The following LTBP1 variants were observed in gnomAD, a reference collection of about 807,000 sequenced individuals.
LTBP1 encodes the protein latent-transforming growth factor beta-binding protein 1.
Under a neutral mutation model 207.6 loss-of-function variants are expected in LTBP1, and 129 were observed. The ratio of observed to expected loss-of-function variants is 0.62; its 90% CI spans 0.54 to 0.72. The LOEUF (loss-of-function observed/expected upper bound fraction) is 0.72. Ranked by LOEUF, LTBP1 falls within the 30% of genes least tolerant of loss-of-function variation. The probability of loss-of-function intolerance (pLI) is 0.00; values close to 1 mark genes in which losing one functional copy is unlikely to be tolerated. For missense variants in LTBP1, 2,281 were observed against 2,217.2 expected, an observed-to-expected ratio of 1.03 and a Z score of -0.58; for synonymous variants, 963 against 833.7, an observed-to-expected ratio of 1.16 and a Z score of -2.67.
Position 32,947,805 on chromosome 2 carries a change from C to A in LTBP1, c.481C>A (p.Gln161Lys). 1 of 1,454,992 alleles carries A rather than the reference C, an allele frequency of 6.9e-7. No individual in the cohort carries two copies. The highest frequency in any genetic ancestry group is 9.1e-7 in the Non-Finnish European group (1 of 1,097,684). The allele number at this position is 1,454,992 out of a possible 1,614,324, so 90.1% of individuals were successfully genotyped here. A position where few individuals can be genotyped will look rare whatever the true frequency, so the allele number is the denominator to read the frequency against. ...GGSRLQVHQK[Q>K]QLQGVNVCGG... is the part of the protein sequence containing the mutation. ...CTCTAGGCTGCAGGTTCACCAGAAG[C>A]AGCAGCTGCAGGGGTAAGCCCACAC... Residue 161 changes from glutamine to lysine, a missense_variant, in exon 1 of 34, where the codon CAG (glutamine) becomes AAG (lysine). Gln to Lys is a moderately conservative substitution (Grantham distance 53). Around this residue, in one of 3 missense-constraint regions of LTBP1, gnomAD observed 555 missense variants for 491.0 expected, o/e 1.13. Transcript: ENST00000404816.
intron 3 of LTBP1, among the ~76,000 whole-genome samples, chr2:33,090,054 G>A (rs577628506): frequency 5.3e-5 from 8 of 152,226 alleles, no homozygotes; most frequent in African/African-American, 7.2e-5. Flanking sequence ...CATTTAACCC[G>A]CATTTTAGAC....
At chr2:33,184,781 G>GTTTTTTTTTTTTT (rs34063170) in intron 5 of LTBP1, among the ~76,000 whole-genome samples, 8 of 136,384 alleles carry the variant, frequency 5.9e-5, no homozygotes, top group South Asian at 4.8e-4. Context: ...AGTATTTTCT[G>GTTTTTTTTTTTTT]TTTTTTTTTT....
At chr2:33,205,302 A>T (rs2089757944) in intron 7 of LTBP1, among the ~76,000 whole-genome samples, 1 of 152,214 alleles carries the variant, frequency 6.6e-6, no homozygotes, top group Non-Finnish European at 1.5e-5. Context: ...TAAATATTTT[A>T]AAGTTGTTGC....
At position 33,280,218 on chromosome 2, in the gene LTBP1, A is replaced by G. The variant is rs552667421; in HGVS notation, c.3112+60A>G. Reference sequence around the variant, plus strand: ...TCTTCTGCATGGCCCATTTTCTGATAGAGTGGTGTAATGCCAATGGAGCCC... The same window carrying G: ...TCTTCTGCATGGCCCATTTTCTGATGGAGTGGTGTAATGCCAATGGAGCCC... On this transcript the variant is annotated intron_variant, in intron 19 of 33. Coordinates refer to ENST00000404816, the MANE Select transcript of LTBP1 (RefSeq NM_206943.4). 1.8e-5 allele frequency: 28 copies of G among 1,538,504 alleles called. No homozygotes were observed. In the African/African-American group the frequency reaches 3.9e-4, roughly 21 times the overall value.
chr2:33,061,340 G>A (rs1340486236), intron 3 of LTBP1: 1 of 152,078 alleles, frequency 6.6e-6, no homozygotes, highest in Non-Finnish European at 1.5e-5. Flanking sequence ...TATTTTTAAG[G>A]TAAAATTTAC....
rs767904700 is a variant in LTBP1 at position 33,217,650 on chromosome 2, A to G, written c.1800A>G (p.Lys600=). The G allele has an allele frequency of 5.0e-6, 8 of 1,610,538 alleles. No individual in the cohort carries two copies. The highest frequency in any genetic ancestry group is 1.3e-5 in the African/African-American group (1 of 74,840). ...ACAAATGCCAGAAATGCCCCAAGAA[A>G]CCATGTAAGTAATGTTTCCTCACTC... ...GFNKCQKCPK[K]PSYHGYNQMM... The change falls in exon 8 of 34, where the codon AAA becomes AAG. Residue 600 remains lysine (K), a synonymous_variant. Coordinates refer to ENST00000404816, the MANE Select transcript of LTBP1 (RefSeq NM_206943.4).
intron 26 of LTBP1, among the ~76,000 whole-genome samples, chr2:33,359,754 C>T (rs1347523440): frequency 6.6e-6 from 1 of 152,134 alleles, no homozygotes; most frequent in African/African-American, 2.4e-5. Flanking sequence ...GACTACTTTC[C>T]AAGTCTAGTC....
intron 7 of LTBP1, among the ~76,000 whole-genome samples, chr2:33,195,263 G>T (rs192432058): frequency 1.3e-5 from 2 of 152,294 alleles, no homozygotes; most frequent in African/African-American, 4.8e-5. Context: ...TACTGCCATA[G>T]ATCATGATTC....
At chr2:33,325,370 G>A (rs2094413439) in intron 24 of LTBP1, among the ~76,000 whole-genome samples, 1 of 152,178 alleles carries the variant, frequency 6.6e-6, no homozygotes, top group African/African-American at 2.4e-5. Context: ...TGTTGCCTCT[G>A]AGGCCTAAGT....
rs191470722 is a variant in LTBP1, at chr2:33,119,706, T to C, written c.1033+8955T>C. ...CGAGTAGGCTGGGACTACAGGCGCC[T>C]GCCACCACGCCTGGCTAATTTTTTT... On this transcript the variant is annotated intron_variant, in intron 4 of 33. Coordinates refer to ENST00000404816, the MANE Select transcript of LTBP1 (RefSeq NM_206943.4). 6.0e-4 allele frequency among the ~76,000 whole-genome samples: 91 copies of C among 152,212 alleles called. No homozygotes were observed. The East Asian group carries it at 0.012, about 21-fold the overall frequency.
intron 19 of LTBP1, among the ~76,000 whole-genome samples, chr2:33,288,686 T>G (rs947868154): frequency 6.6e-6 from 1 of 151,946 alleles, no homozygotes; most frequent in Non-Finnish European, 1.5e-5. Flanking sequence ...AAACCCCGTC[T>G]CTATTAAAAA....
chr2:33,203,388 G>C (rs2089535556), intron 7 of LTBP1, among the ~76,000 whole-genome samples: 1 of 152,218 alleles, frequency 6.6e-6, no homozygotes. Flanking sequence ...CGTTTTACTT[G>C]GATTGAGAAT....
chr2:33,329,267 A>G (rs942977060), intron 24 of LTBP1, among the ~76,000 whole-genome samples: 8 of 152,294 alleles, frequency 5.3e-5, no homozygotes, highest in Admixed American at 2.6e-4. Flanking sequence ...TATATCTTTA[A>G]CAACTTATCA....
In LTBP1 at chr2:32,997,128, G is replaced by A. The variant is rs561604047; in HGVS notation, c.566-23781G>A. Among the ~76,000 whole-genome samples the A allele has an allele frequency of 1.2e-4, 18 of 152,110 alleles. No homozygotes were observed. The South Asian group carries it at 1.9e-3, about 16-fold the overall frequency. On this transcript the variant is annotated intron_variant, in intron 2 of 33. Transcript: ENST00000404816. ...TCGAATTCCTGACCTCAAGCGATCCGCCCACCTCGGCCTCCCAAGGTGCTG... is the reference window on the plus strand; with the variant it reads ...TCGAATTCCTGACCTCAAGCGATCCACCCACCTCGGCCTCCCAAGGTGCTG...
At chr2:33,397,067 T>C in intron 32 of LTBP1, 66 bp from the exon 33 acceptor site, 4 of 1,464,162 alleles carry the variant, frequency 2.7e-6, no homozygotes, top group Non-Finnish European at 3.7e-6. Context: ...ATCATCTAAA[T>C]ATCATTTACA....
intron 8 of LTBP1, among the ~76,000 whole-genome samples, chr2:33,220,260 T>A (rs1275955443): frequency 6.6e-6 from 1 of 152,242 alleles, no homozygotes; most frequent in Non-Finnish European, 1.5e-5. Flanking sequence ...TTGGGACTCC[T>A]CTCTAAATCA....
At chr2:33,219,437 T>C (rs76316825) in intron 8 of LTBP1, among the ~76,000 whole-genome samples, 4,483 of 152,354 alleles carry the variant, frequency 0.029, 90 homozygotes, top group Middle Eastern at 0.13. Flanking sequence ...TGTTTGAAGT[T>C]AGGTAGCCCT....
chr2:33,058,922 G>A (rs895672819), intron 3 of LTBP1, among the ~76,000 whole-genome samples: 3 of 152,226 alleles, frequency 2.0e-5, no homozygotes, highest in Admixed American at 6.5e-5. Context: ...GTTGGAAAAT[G>A]TGTGATGCTG....
At chr2:33,060,689 G>A (rs2077225982) in intron 3 of LTBP1, among the ~76,000 whole-genome samples, 1 of 147,450 alleles carries the variant, frequency 6.8e-6, no homozygotes, top group Non-Finnish European at 1.5e-5. Context: ...GTAAAGAAAT[G>A]CATTTGTCAT....
Sources: allele counts gnomAD v4.1 joint callset (sites outside exome capture counted in the v4.1 genomes callset), GRCh38; gene constraint gnomAD v4.1.1; regional missense constraint gnomAD v4.1.1; transcripts MANE v1.5; gene names NCBI Gene and HGNC (gene_info 2026-07-23, HGNC 2026-07-21).